Variants in SPAG16 observed in about 807,000 individuals in gnomAD.
The protein encoded by SPAG16 is sperm associated antigen 16, also known as sperm-associated antigen 16 protein.
In SPAG16, 86 loss-of-function variants were observed where a neutral mutation model predicts 80.4. That is an observed-to-expected ratio of 1.07 (90% CI 0.90 to 1.28). The LOEUF (loss-of-function observed/expected upper bound fraction) is 1.28. Among genes scored for constraint, SPAG16 ranks in the 50% most tolerant of loss-of-function variants. SPAG16 has a pLI of 0.00. For missense variants in SPAG16, 870 were observed against 765.3 expected, an observed-to-expected ratio of 1.14 and a Z score of -1.61; for synonymous variants, 294 against 265.9, an observed-to-expected ratio of 1.11 and a Z score of -1.03.
intron 7 of SPAG16, among the ~76,000 whole-genome samples, chr2:213,355,718 T>C (rs2065606162): frequency 6.6e-6 from 1 of 152,224 alleles, no homozygotes; most frequent in African/African-American, 2.4e-5. Flanking sequence ...TGATTTTGTA[T>C]CCTGAGATTT....
rs565762258 is a variant in SPAG16 at position 214,103,288 on chromosome 2, C to T, written c.1528-4908C>T. Among the ~76,000 whole-genome samples, 3 of 152,264 alleles carry T rather than the reference C, an allele frequency of 2.0e-5. No homozygotes were observed. The East Asian group carries it at 5.8e-4, about 29-fold the overall frequency. ...TAGAGAGGCAATATTGTGGAACCAT[C>T]ACCCAACATTTCAGTGGGTGATGGG... On this transcript the variant is annotated intron_variant, in intron 13 of 15. Coordinates refer to ENST00000331683, the MANE Select transcript of SPAG16 (RefSeq NM_024532.5).
intron 9 of SPAG16, among the ~76,000 whole-genome samples, chr2:213,386,482 T>A (rs1438951403): frequency 6.6e-6 from 1 of 152,190 alleles, no homozygotes; most frequent in East Asian, 1.9e-4. Context: ...TTGCAGGCTG[T>A]CTTTCAATAG....
chr2:214,237,296 G>A (rs1689145389), intron 15 of SPAG16, among the ~76,000 whole-genome samples: 1 of 151,694 alleles, frequency 6.6e-6, no homozygotes, highest in East Asian at 1.9e-4. Context: ...TCAGTTAATA[G>A]TGTTTGATAA....
intron 10 of SPAG16, among the ~76,000 whole-genome samples, chr2:213,654,626 A>G (rs1411911421): frequency 6.6e-6 from 1 of 151,052 alleles, no homozygotes; most frequent in Non-Finnish European, 1.5e-5. Flanking sequence ...CTGAGGCAGG[A>G]GAATGGCATG....
At chr2:214,394,038 C>G (rs570235243) in intron 15 of SPAG16, among the ~76,000 whole-genome samples, 3 of 152,250 alleles carry the variant, frequency 2.0e-5, no homozygotes, top group East Asian at 3.9e-4. Flanking sequence ...GAAATTTATT[C>G]TGTGTTTTCA....
At chr2:213,949,064 T>G (rs1038788927) in intron 12 of SPAG16, among the ~76,000 whole-genome samples, 1 of 151,966 alleles carries the variant, frequency 6.6e-6, no homozygotes, top group Non-Finnish European at 1.5e-5. Flanking sequence ...CAAACAGTAA[T>G]GTATTATTTA....
intron 9 of SPAG16, among the ~76,000 whole-genome samples, chr2:213,468,354 GAT>G (rs369376790): frequency 1.8e-4 from 26 of 140,654 alleles, no homozygotes; most frequent in African/African-American, 6.8e-4. Flanking sequence ...ACTAATAGGA[GAT>G]ATATATATAT....
chr2:213,625,473 A>G (rs1042893320), intron 10 of SPAG16, among the ~76,000 whole-genome samples: 1 of 152,102 alleles, frequency 6.6e-6, no homozygotes, highest in African/African-American at 2.4e-5. Context: ...ATAAAATAAA[A>G]TGACTTCTCC....
At chr2:213,966,157 A>C (rs2044700687) in intron 12 of SPAG16, among the ~76,000 whole-genome samples, 1 of 152,086 alleles carries the variant, frequency 6.6e-6, no homozygotes, top group Non-Finnish European at 1.5e-5. Flanking sequence ...GGGCTCTGGG[A>C]GAAGATGGAG....
At chr2:213,767,584 C>G (rs902501141) in intron 10 of SPAG16, among the ~76,000 whole-genome samples, 2 of 151,510 alleles carry the variant, frequency 1.3e-5, no homozygotes, top group Non-Finnish European at 2.9e-5. Context: ...CCTCTGATTA[C>G]ATTACTATGC....
chr2:213,556,813 G>T (rs1297070213), intron 10 of SPAG16, among the ~76,000 whole-genome samples: 1 of 152,086 alleles, frequency 6.6e-6, no homozygotes, highest in Non-Finnish European at 1.5e-5. Context: ...AAGGGAACAT[G>T]GAACATTCCC....
intron 10 of SPAG16, among the ~76,000 whole-genome samples, chr2:213,608,945 A>C (rs529538938): frequency 6.6e-6 from 1 of 152,342 alleles, no homozygotes; most frequent in Non-Finnish European, 1.5e-5. Flanking sequence ...GGCCTCCCAA[A>C]GTACTGGGAT....
chr2:214,283,026 T>C (rs1359168585), intron 15 of SPAG16, among the ~76,000 whole-genome samples: 1 of 152,118 alleles, frequency 6.6e-6, no homozygotes, highest in African/African-American at 2.4e-5. Flanking sequence ...ATGAGATATA[T>C]AGATGACAGC....
chr2:213,463,044 G>C (rs553823288), intron 9 of SPAG16, among the ~76,000 whole-genome samples: 1 of 152,318 alleles, frequency 6.6e-6, no homozygotes, highest in South Asian at 2.1e-4. Context: ...TGAAGTCCAG[G>C]CTGAGGTTGT....
chr2:213,699,652 C>A (rs2065318286), intron 10 of SPAG16, among the ~76,000 whole-genome samples: 1 of 152,126 alleles, frequency 6.6e-6, no homozygotes, highest in South Asian at 2.1e-4. Flanking sequence ...CCCTATGTAA[C>A]TATCCTAATA....
intron 14 of SPAG16, among the ~76,000 whole-genome samples, 195 bp from the exon 15 acceptor site, chr2:214,148,945 C>T (rs2055809453): frequency 1.3e-5 from 2 of 151,332 alleles, no homozygotes; most frequent in Admixed American, 1.3e-4. Context: ...TTATTAACAA[C>T]TATTTCTTAG....
At chr2:213,672,313 AT>A in intron 10 of SPAG16, among the ~76,000 whole-genome samples, 1 of 152,006 alleles carries the variant, frequency 6.6e-6, no homozygotes, top group East Asian at 1.9e-4. Context: ...AAAGAAAAAA[AT>A]GTTTCTTTCA....
In SPAG16 at chr2:213,319,952, A is replaced by G. The variant is rs115452643; in HGVS notation, c.536+2596A>G. ...CAGTTTATGGCTATTTCTCAAATCT[A>G]TCTCATTCAATAGAACTTAAAATCT... On this transcript the variant is annotated intron_variant, in intron 5 of 15. Transcript: ENST00000331683. Among the ~76,000 whole-genome samples, 1,236 of 152,104 alleles carry G rather than the reference A, an allele frequency of 8.1e-3. 19 individuals are homozygous for G. Among genetic ancestry groups the G allele is most frequent in the African/African-American group, 0.028 (1,170 of 41,554 alleles).
chr2:214,234,869 CCA>C (rs368175688), intron 15 of SPAG16, among the ~76,000 whole-genome samples: 5 of 151,262 alleles, frequency 3.3e-5, no homozygotes, highest in Non-Finnish European at 5.9e-5. Flanking sequence ...TGTACATGTA[CCA>C]CACACACACA....
Sources: gnomAD v4.1 joint callset for allele counts (sites outside exome capture counted in the v4.1 genomes callset) on GRCh38, gnomAD v4.1.1 for gene constraint, MANE v1.5 for transcripts, NCBI Gene and HGNC (gene_info 2026-07-23, HGNC 2026-07-21) for gene names.